SMAD6: variants seen among roughly 807,000 people sequenced by gnomAD.
SMAD6 encodes the protein MAD homolog 6.
Under a neutral mutation model 39.4 loss-of-function variants are expected in SMAD6, and 103 were observed. That is an observed-to-expected ratio of 2.62 (90% confidence interval 2.23 to 3.08). SMAD6 has a LOEUF of 3.08. Among genes scored for constraint, SMAD6 ranks in the 30% most tolerant of loss-of-function variants. SMAD6 has a pLI of 0.00. For missense variants in SMAD6, 1,104 were observed against 742.9 expected (o/e 1.49, Z -5.65); for synonymous variants, 445 against 353.3 (o/e 1.26, Z -2.91).
At chr15:66,716,382 C>A in intron 2 of SMAD6, 39 bp from the exon 3 acceptor site, 2 of 1,444,442 alleles carry the variant, frequency 1.4e-6, no homozygotes, top group Non-Finnish European at 2.0e-6. Context: ...GAGCGCTGCC[C>A]CACGGCCAAC....
intron 1 of SMAD6, among the ~76,000 whole-genome samples, chr15:66,711,062 T>G (rs1893216720): frequency 6.6e-6 from 1 of 152,188 alleles, no homozygotes; most frequent in East Asian, 1.9e-4. Flanking sequence ...CTTGCCAAAT[T>G]TAGCAAATAA....
chr15:66,753,348 G>A (rs1165512104), intron 3 of SMAD6, among the ~76,000 whole-genome samples: 2 of 152,196 alleles, frequency 1.3e-5, no homozygotes, highest in Admixed American at 6.5e-5. Context: ...CAGGGATCTG[G>A]GCAGATGTGG....
intron 3 of SMAD6, among the ~76,000 whole-genome samples, chr15:66,771,342 G>T (rs1407727333): frequency 1.3e-5 from 2 of 152,190 alleles, no homozygotes; most frequent in East Asian, 3.8e-4. Context: ...ATCTGTTCAG[G>T]ATTTGTTTGA....
rs149097419 is a variant in SMAD6, at chr15:66,724,789, G to A, written c.952+8291G>A. Among the ~76,000 whole-genome samples the A allele has an allele frequency of 5.2e-3, 789 of 152,172 alleles. 7 individuals carry two copies. The highest frequency in any genetic ancestry group is 0.023 in the Admixed American group (359 of 15,282). On this transcript the variant is annotated intron_variant, in intron 3 of 3. Transcript: ENST00000288840. The stretch of plus-strand genomic sequence containing the variant: ...GTTGCTGAGTGGATAAATGAATGAC[G>A]AGTGAGATGGCAGGTGGGTGGGTTT...
intron 3 of SMAD6, among the ~76,000 whole-genome samples, chr15:66,775,129 T>C (rs1382530436): frequency 2.0e-5 from 3 of 152,114 alleles, no homozygotes; most frequent in Non-Finnish European, 4.4e-5. Flanking sequence ...CCCAAAGTGC[T>C]GAGATTACAG....
At chr15:66,729,805 A>G (rs2140623513) in intron 3 of SMAD6, among the ~76,000 whole-genome samples, 1 of 152,264 alleles carries the variant, frequency 6.6e-6, no homozygotes, top group South Asian at 2.1e-4. Flanking sequence ...CCGTGCACAC[A>G]GCGACATTGA....
At chr15:66,722,112 T>C (rs1893444524) in intron 3 of SMAD6, among the ~76,000 whole-genome samples, 2 of 152,134 alleles carry the variant, frequency 1.3e-5, no homozygotes, top group Admixed American at 1.3e-4. Flanking sequence ...CTGGGAAAGA[T>C]TTTTTTAAAA....
Position 66,747,227 on chromosome 15 carries a change from C to T in SMAD6, c.952+30729C>T, listed in dbSNP as rs1328117528. Among the ~76,000 whole-genome samples the T allele has an allele frequency of 1.3e-5, 2 of 152,258 alleles. No individual in the cohort carries two copies. The highest frequency in any genetic ancestry group is 4.8e-5 in the African/African-American group (2 of 41,462). ...GCTTGGCCAGAGGTTGCGTGGTTTG[C>T]TGTGTTTGCATGGCCAGGCCAGCGG... On this transcript the variant is annotated intron_variant, in intron 3 of 3. Coordinates refer to ENST00000288840, the MANE Select transcript of SMAD6 (RefSeq NM_005585.5). This position sits in a 1 kb window ranked among gnomAD's most constrained non-coding sequence, Gnocchi z 4.5.
At chr15:66,714,007 T>G (rs775697325) in intron 2 of SMAD6, among the ~76,000 whole-genome samples, 2 of 152,226 alleles carry the variant, frequency 1.3e-5, no homozygotes, top group Non-Finnish European at 2.9e-5. Context: ...GGTGGCTCAC[T>G]GTCCTTCCCT....
chr15:66,726,817 GA>G (rs1012169988), intron 3 of SMAD6, among the ~76,000 whole-genome samples: 2 of 151,992 alleles, frequency 1.3e-5, no homozygotes, highest in African/African-American at 4.8e-5. Flanking sequence ...AAGAGTTTTG[GA>G]AAAGCTTAGA....
At chr15:66,764,350 T>C (rs980116713) in intron 3 of SMAD6, among the ~76,000 whole-genome samples, 1 of 152,154 alleles carries the variant, frequency 6.6e-6, no homozygotes, top group African/African-American at 2.4e-5. Flanking sequence ...AAACTCTGGA[T>C]TTATGAGTCC....
intron 2 of SMAD6, among the ~76,000 whole-genome samples, chr15:66,716,106 C>T (rs528967250): frequency 5.3e-5 from 8 of 152,204 alleles, no homozygotes; most frequent in Non-Finnish European, 1.2e-4. Flanking sequence ...ACCTTACCCA[C>T]GGAGGCTCCA....
chr15:66,717,184 G>A (rs1409760759), intron 3 of SMAD6: 2 of 1,269,588 alleles, frequency 1.6e-6, no homozygotes, highest in African/African-American at 1.5e-5. Flanking sequence ...ACCAAGGTCT[G>A]TGGGGCCCTT....
chr15:66,743,576 CTT>C (rs5813402), intron 3 of SMAD6, among the ~76,000 whole-genome samples: 1 of 149,690 alleles, frequency 6.7e-6, no homozygotes, highest in Non-Finnish European at 1.5e-5. Flanking sequence ...TTCCTCTTTC[CTT>C]TTTTTTTTTA....
At chr15:66,723,945 A>T (rs1467581829) in intron 3 of SMAD6, among the ~76,000 whole-genome samples, 1 of 152,202 alleles carries the variant, frequency 6.6e-6, no homozygotes, top group East Asian at 1.9e-4. Flanking sequence ...CTTCACAGAG[A>T]AGGTGATTCT....
chr15:66,775,563 TC>T (rs1894452688), intron 3 of SMAD6, among the ~76,000 whole-genome samples: 1 of 152,106 alleles, frequency 6.6e-6, no homozygotes, highest in Non-Finnish European at 1.5e-5. Context: ...GCAGGACTCC[TC>T]CCAGGCTAGT....
chr15:66,744,764 G>A (rs1893878868), intron 3 of SMAD6, among the ~76,000 whole-genome samples: 1 of 152,226 alleles, frequency 6.6e-6, no homozygotes, highest in Non-Finnish European at 1.5e-5. Flanking sequence ...AGTGGGATAA[G>A]CCAGTGTGCT....
intron 2 of SMAD6, among the ~76,000 whole-genome samples, chr15:66,714,453 G>A (rs996407471): frequency 4.6e-5 from 7 of 152,148 alleles, no homozygotes. Flanking sequence ...TCAGATTTTG[G>A]TGTCCGGAAG....
chr15:66,762,539 C>T (rs1053644868), intron 3 of SMAD6, among the ~76,000 whole-genome samples: 4 of 151,888 alleles, frequency 2.6e-5, no homozygotes, highest in African/African-American at 4.8e-5. Context: ...GGAGCACTGT[C>T]GGGAGGGGGC....
Sources: allele counts gnomAD v4.1 joint callset (sites outside exome capture counted in the v4.1 genomes callset), GRCh38; gene constraint gnomAD v4.1.1; non-coding constraint Gnocchi (gnomAD v3.1); transcripts MANE v1.5; gene names NCBI Gene and HGNC (gene_info 2026-07-23, HGNC 2026-07-21).